Variants in NIPSNAP3B observed in about 807,000 individuals in gnomAD.
NIPSNAP3B encodes protein NipSnap homolog 3B.
NIPSNAP3B carries 30 observed loss-of-function variants against 31.5 expected under a neutral mutation model. That is an observed-to-expected ratio of 0.95 (90% CI 0.71 to 1.29). The LOEUF (loss-of-function observed/expected upper bound fraction) is 1.29, where lower values mean the gene tolerates loss of function less well. NIPSNAP3B is among the 50% of genes most tolerant of loss of function. The pLI is 0.00. For missense variants in NIPSNAP3B, 269 were observed against 300.7 expected, an observed-to-expected ratio of 0.89 and a Z score of 0.78; for synonymous variants, 106 against 107.9, an observed-to-expected ratio of 0.98 and a Z score of 0.11.
rs752440982 is a variant in NIPSNAP3B, at chr9:104,768,845, A to G, written c.272-18A>G. 1 of 1,584,020 alleles carries G rather than the reference A, an allele frequency of 6.3e-7. No individual in the cohort carries two copies. Among genetic ancestry groups the G allele is most frequent in the Admixed American group, 1.9e-5 (1 of 52,048 alleles). On this transcript the variant is annotated intron_variant, in intron 2 of 5. Transcript: ENST00000374762. ...TTTTAAATAAAAAAACATTTTCTTA[A>G]CTATTTTCCTCCCATAGATAATTTT... is the stretch of plus-strand genomic sequence containing the variant.
In NIPSNAP3B at chr9:104,773,242, TAAGA is replaced by T. The variant is rs532363325; in HGVS notation, c.*172_*175del. ...GAAAGTTACATATTCTCCACTGCTT[TAAGA>T]AATAATTCAGTTCACTTTCACCTTG... On this transcript the variant is annotated 3_prime_UTR_variant, in exon 6 of 6. Coordinates refer to ENST00000374762, the MANE Select transcript of NIPSNAP3B (RefSeq NM_018376.4). 1,631 of 634,308 alleles carry T rather than the reference TAAGA, an allele frequency of 2.6e-3. 10 individuals are homozygous for T. The African/African-American group carries it at 0.027, about 11-fold the overall frequency. 39.3% of individuals were successfully genotyped at this position (634,308 alleles called of 1,614,324 possible).
In NIPSNAP3B at chr9:104,771,314, C is replaced by T. The variant is rs906566778; in HGVS notation, c.580+316C>T. The T allele has an allele frequency of 2.2e-4, 44 of 197,628 alleles. 1 individual carries two copies. The highest frequency in any genetic ancestry group is 1.6e-4 in the Non-Finnish European group (15 of 96,158). 12.2% of individuals were successfully genotyped at this position (197,628 alleles called of 1,614,324 possible). A position where few individuals can be genotyped will look rare whatever the true frequency, so the allele number is the denominator to read the frequency against. ...TTGTTGTACAGATTATTTAATCACT[C>T]AGGTATTAAGCCCAGTACCCAATTG... On this transcript the variant is annotated intron_variant, in intron 4 of 5. Transcript: ENST00000374762.
At chr9:104,785,751 C>A in the NIPSNAP3B span, 2 of 1,324,452 alleles carry the variant, frequency 1.5e-6, no homozygotes, top group East Asian at 4.7e-5. Flanking sequence ...CCTGGCAGGC[C>A]CAGAAATAAG....
rs2118811934 is a variant in NIPSNAP3B at position 104,776,601 on chromosome 9, G to A, written c.*3528G>A. Among the ~76,000 whole-genome samples, 1 of 152,264 alleles carries A rather than the reference G, an allele frequency of 6.6e-6. No homozygotes were observed. The highest frequency in any genetic ancestry group is 1.5e-5 in the Non-Finnish European group (1 of 68,022). On this transcript the variant is annotated 3_prime_UTR_variant, in exon 6 of 6. Transcript: ENST00000374762. ...CTGGTCTTAGACTTCCCAGCCACTA[G>A]ATCTGTGAGAAAGAAATGTTTGTTG...
chr9:104,785,628 C>T, the NIPSNAP3B span: 1 of 1,614,006 alleles, frequency 6.2e-7, no homozygotes, highest in Non-Finnish European at 8.5e-7. Context: ...TATTGTATAA[C>T]CATCTCCAAA....
the NIPSNAP3B span, chr9:104,786,537 A>G: frequency 0.075 from 57,219 of 763,794 alleles, 4,685 homozygotes; most frequent in East Asian, 0.37. Flanking sequence ...TGTTCAGTGT[A>G]GTGGTGTTTA....
chr9:104,779,492 A>C (rs1828410461), downstream of NIPSNAP3B, among the ~76,000 whole-genome samples: 1 of 152,146 alleles, frequency 6.6e-6, no homozygotes, highest in Non-Finnish European at 1.5e-5. Flanking sequence ...CCTTTGGACG[A>C]GTTTCTTATC....
At chr9:104,771,417 G>A (rs1216076557) in intron 4 of NIPSNAP3B, 1 of 153,580 alleles carries the variant, frequency 6.5e-6, no homozygotes, top group Non-Finnish European at 1.4e-5. Flanking sequence ...CCTTCTTTGT[G>A]TTCATAAATT....
rs2515606 is a variant in NIPSNAP3B at position 104,774,614 on chromosome 9, A to G, written c.*1541A>G. Reference sequence around the variant, plus strand: ...AAGGGAAGGGGAAGCTGACATTTTTATCTTTTTTAATGGGTACACTCTACG... The same window carrying G: ...AAGGGAAGGGGAAGCTGACATTTTTGTCTTTTTTAATGGGTACACTCTACG... On this transcript the variant is annotated 3_prime_UTR_variant, in exon 6 of 6. Coordinates refer to ENST00000374762, the MANE Select transcript of NIPSNAP3B (RefSeq NM_018376.4). Among the ~76,000 whole-genome samples, 50,534 of 152,118 alleles carry G rather than the reference A, an allele frequency of 0.33. 9,923 individuals are homozygous for G. Among genetic ancestry groups the G allele is most frequent in the Non-Finnish European group, 0.45 (30,322 of 67,972 alleles).
chr9:104,781,368 G>A (rs553458348), downstream of NIPSNAP3B: 1 of 152,464 alleles, frequency 6.6e-6, no homozygotes, highest in Non-Finnish European at 1.5e-5. Flanking sequence ...ATTTTGAAAA[G>A]AATTAGAGCA....
downstream of NIPSNAP3B, among the ~76,000 whole-genome samples, chr9:104,779,504 A>G (rs1482964706): frequency 1.3e-5 from 2 of 152,164 alleles, no homozygotes; most frequent in African/African-American, 2.4e-5. Context: ...TTTCTTATCC[A>G]CTGAGCTGTA....
At chr9:104,767,793 G>A (rs559327708) in intron 2 of NIPSNAP3B, among the ~76,000 whole-genome samples, 2 of 152,226 alleles carry the variant, frequency 1.3e-5, no homozygotes, top group East Asian at 1.9e-4. Context: ...TGTAAGATAG[G>A]TGTTATTCCT....
At chr9:104,778,957 C>T (rs905331904), downstream of NIPSNAP3B, among the ~76,000 whole-genome samples, 6 of 152,158 alleles carry the variant, frequency 3.9e-5, no homozygotes, top group African/African-American at 1.2e-4. Flanking sequence ...CTCTCCAGTT[C>T]CACCCCCTGC....
chr9:104,782,103 T>A (rs928328572), downstream of NIPSNAP3B: 6 of 152,162 alleles, frequency 3.9e-5, no homozygotes, highest in African/African-American at 1.4e-4. Flanking sequence ...AGATTTACTA[T>A]AATGAAGAAT....
At chr9:104,785,256 A>G in the NIPSNAP3B span, 1 of 1,162,076 alleles carries the variant, frequency 8.6e-7, no homozygotes, top group African/African-American at 1.5e-5. Context: ...GAGGTTTAGT[A>G]AAAAGCATAG....
chr9:104,784,561 C>T, the NIPSNAP3B span: 1 of 1,332,130 alleles, frequency 7.5e-7, no homozygotes, highest in South Asian at 1.2e-5. Context: ...TAGGAGCATA[C>T]AGAATTACAT....
At position 104,774,920 on chromosome 9, in the gene NIPSNAP3B, C is replaced by T. The variant is rs565651552; in HGVS notation, c.*1847C>T. Among the ~76,000 whole-genome samples the T allele has an allele frequency of 2.6e-4, 40 of 152,268 alleles. No homozygotes were observed. Among genetic ancestry groups the T allele is most frequent in the Admixed American group, 1.0e-3 (16 of 15,294 alleles). ...TCTTCATTCTTAGCCAATGACCTTT[C>T]CTTTTACTTAACAGAGAAAATAACA... On this transcript the variant is annotated 3_prime_UTR_variant, in exon 6 of 6. Coordinates refer to ENST00000374762, the MANE Select transcript of NIPSNAP3B (RefSeq NM_018376.4).
At chr9:104,785,140 C>T in the NIPSNAP3B span, among the ~76,000 whole-genome samples, 4 of 152,112 alleles carry the variant, frequency 2.6e-5, no homozygotes, top group Non-Finnish European at 5.9e-5. Context: ...ATGCCTGGCC[C>T]ATGGTAGGTG....
chr9:104,764,162 T>G lies in NIPSNAP3B; in HGVS notation c.-79T>G, dbSNP rs1007690492. The G allele has an allele frequency of 7.1e-6, 10 of 1,412,710 alleles. No individual in the cohort carries two copies. The African/African-American group carries it at 1.0e-4, about 14-fold the overall frequency. 87.5% of individuals were successfully genotyped at this position (1,412,710 alleles called of 1,614,324 possible). ...AGTTCGCCAGTGGTCCAGGAGCCGCTTTTTTCCACTCGGGAAGACTTCAGA... is the reference window on the plus strand; with the variant it reads ...AGTTCGCCAGTGGTCCAGGAGCCGCGTTTTTCCACTCGGGAAGACTTCAGA... On this transcript the variant is annotated 5_prime_UTR_variant, in exon 1 of 6. Coordinates refer to ENST00000374762, the MANE Select transcript of NIPSNAP3B (RefSeq NM_018376.4).
Sources: allele counts gnomAD v4.1 joint callset (sites outside exome capture counted in the v4.1 genomes callset), GRCh38; gene constraint gnomAD v4.1.1; transcripts MANE v1.5; gene names NCBI Gene and HGNC (gene_info 2026-07-23, HGNC 2026-07-21).